CCSER1: variants seen among roughly 807,000 people sequenced by gnomAD.
CCSER1 encodes the protein serine-rich coiled-coil domain-containing protein 1.
CCSER1 carries 41 observed loss-of-function variants against 82.0 expected under a neutral mutation model. The observed-to-expected ratio is 0.50, with a 90% CI of 0.39 to 0.65. CCSER1 has a LOEUF of 0.65. CCSER1 is among the 30% of genes least tolerant of loss of function. CCSER1 has a pLI of 0.00. For synonymous variants in CCSER1, 414 were observed against 383.9 expected, an observed-to-expected ratio of 1.08 and a Z score of -0.92; for missense variants, 1,119 against 1,064.2, an observed-to-expected ratio of 1.05 and a Z score of -0.72.
intron 10 of CCSER1, among the ~76,000 whole-genome samples, chr4:91,464,019 C>T (rs1194339827): frequency 1.3e-5 from 2 of 152,086 alleles, no homozygotes; most frequent in Non-Finnish European, 2.9e-5. Context: ...CAAAGATATT[C>T]CTCGAGAAGA....
intron 10 of CCSER1, among the ~76,000 whole-genome samples, chr4:91,204,938 G>T (rs1472133161): frequency 6.6e-6 from 1 of 151,538 alleles, no homozygotes; most frequent in Non-Finnish European, 1.5e-5. Context: ...ACAATAAAAT[G>T]CAGCACTTAA....
intron 8 of CCSER1, among the ~76,000 whole-genome samples, chr4:90,891,203 G>A (rs1722916266): frequency 2.6e-5 from 4 of 151,502 alleles, no homozygotes; most frequent in Admixed American, 2.0e-4. Flanking sequence ...AAGTGAATTG[G>A]TCAGTCTTAT....
chr4:90,617,860 A>G (rs1329120092), intron 5 of CCSER1, among the ~76,000 whole-genome samples: 2 of 152,004 alleles, frequency 1.3e-5, no homozygotes, highest in East Asian at 3.9e-4. Context: ...GTTCCTTGCA[A>G]CAGATGTTCA....
intron 4 of CCSER1, among the ~76,000 whole-genome samples, chr4:90,457,254 C>A (rs568558127): frequency 6.6e-6 from 1 of 152,172 alleles, no homozygotes; most frequent in South Asian, 2.1e-4. Flanking sequence ...CGCCAAATAG[C>A]GTGTAAGAGC....
At chr4:90,465,200 G>A (rs1226143563) in intron 4 of CCSER1, among the ~76,000 whole-genome samples, 1 of 152,082 alleles carries the variant, frequency 6.6e-6, no homozygotes, top group African/African-American at 2.4e-5. Context: ...TTGACCTTGT[G>A]ATCTGCCCAC....
chr4:90,494,060 A>G (rs1471655325), intron 5 of CCSER1, among the ~76,000 whole-genome samples: 1 of 152,162 alleles, frequency 6.6e-6, no homozygotes, highest in African/African-American at 2.4e-5. Context: ...AAATAAAGGG[A>G]TGGAGGAAGA....
chr4:90,579,026 T>TAA lies in CCSER1; in HGVS notation c.1725-48999_1725-48998insAA, dbSNP rs56687231. On this transcript the variant is annotated intron_variant, in intron 5 of 10. Coordinates refer to ENST00000509176, the MANE Select transcript of CCSER1 (RefSeq NM_001145065.2). The stretch of plus-strand genomic sequence containing the variant: ...TATTATGTTGTCTATTAAAAAAAGC[T>TAA]TGACTTTTTTTAATCAATAAAATAA... Among the ~76,000 whole-genome samples the TAA allele has an allele frequency of 5.5e-3, 304 of 54,794 alleles. 1 individual carries two copies. The African/African-American group carries it at 0.089, about 16-fold the overall frequency. 35.9% of individuals were successfully genotyped at this position (54,794 alleles called of 152,430 possible).
At chr4:90,789,798 G>A (rs928352907) in intron 7 of CCSER1, among the ~76,000 whole-genome samples, 1 of 152,074 alleles carries the variant, frequency 6.6e-6, no homozygotes, top group Non-Finnish European at 1.5e-5. Flanking sequence ...GGAACTGTAA[G>A]CCCATTAAAC....
intron 6 of CCSER1, among the ~76,000 whole-genome samples, chr4:90,722,319 TAA>T (rs1278635642): frequency 1.3e-5 from 2 of 151,904 alleles, no homozygotes; most frequent in Non-Finnish European, 3.0e-5. Context: ...GTCACTTGCT[TAA>T]ATTCTTGTGA....
intron 6 of CCSER1, among the ~76,000 whole-genome samples, chr4:90,661,149 A>G (rs1730699414): frequency 6.6e-6 from 1 of 152,160 alleles, no homozygotes; most frequent in African/African-American, 2.4e-5. Context: ...TTATTCCTCT[A>G]TTCCTGCCTT....
intron 6 of CCSER1, among the ~76,000 whole-genome samples, chr4:90,713,861 T>C (rs978721269): frequency 6.6e-6 from 1 of 151,998 alleles, no homozygotes; most frequent in Non-Finnish European, 1.5e-5. Context: ...TTTTTCTTTA[T>C]TCTTGTCTTC....
At chr4:90,854,786 G>A (rs1341118704) in intron 8 of CCSER1, among the ~76,000 whole-genome samples, 1 of 151,626 alleles carries the variant, frequency 6.6e-6, no homozygotes, top group Non-Finnish European at 1.5e-5. Flanking sequence ...TGATCTCTAG[G>A]CTACTACATT....
intron 1 of CCSER1, among the ~76,000 whole-genome samples, chr4:90,245,807 A>C (rs1721313505): frequency 6.6e-6 from 1 of 152,164 alleles, no homozygotes; most frequent in Non-Finnish European, 1.5e-5. Flanking sequence ...TTTTTAGCTC[A>C]AAATGTTGGG....
intron 10 of CCSER1, among the ~76,000 whole-genome samples, chr4:91,580,593 G>T (rs1763682421): frequency 6.6e-6 from 1 of 151,692 alleles, no homozygotes; most frequent in African/African-American, 2.4e-5. Flanking sequence ...TGGTGAACAG[G>T]CAGGCATTTA....
intron 10 of CCSER1, among the ~76,000 whole-genome samples, chr4:91,255,655 G>C (rs13137255): frequency 0.025 from 3,859 of 152,274 alleles, 58 homozygotes; most frequent in Non-Finnish European, 0.038. Context: ...AACATAAATT[G>C]TGAAGATTTC....
In CCSER1 at chr4:91,020,944, T is replaced by C. The variant is rs1739903104; in HGVS notation, c.2173-65006T>C. Among the ~76,000 whole-genome samples the C allele has an allele frequency of 5.3e-5, 8 of 152,162 alleles. No homozygotes were observed. In the South Asian group the frequency reaches 1.7e-3, roughly 32 times the overall value. On this transcript the variant is annotated intron_variant, in intron 9 of 10. Coordinates refer to ENST00000509176, the MANE Select transcript of CCSER1 (RefSeq NM_001145065.2). Reference sequence around the variant, plus strand: ...GGAAAGGTTAAAACATTTGTGATGATAAATAACCCAAGCTACTAGCTACAT... The same window carrying C: ...GGAAAGGTTAAAACATTTGTGATGACAAATAACCCAAGCTACTAGCTACAT...
At chr4:90,238,482 G>A (rs1746220785) in intron 1 of CCSER1, among the ~76,000 whole-genome samples, 1 of 152,274 alleles carries the variant, frequency 6.6e-6, no homozygotes, top group South Asian at 2.1e-4. Context: ...TAATGCAACA[G>A]CTAACATTTT....
intron 10 of CCSER1, among the ~76,000 whole-genome samples, chr4:91,468,094 A>T (rs2149440568): frequency 6.6e-6 from 1 of 152,302 alleles, no homozygotes; most frequent in South Asian, 2.1e-4. Flanking sequence ...AAAGACTTGG[A>T]ACCAACCCAA....
chr4:91,018,433 C>T (rs548925610), intron 9 of CCSER1, among the ~76,000 whole-genome samples: 1 of 152,098 alleles, frequency 6.6e-6, no homozygotes, highest in African/African-American at 2.4e-5. Flanking sequence ...TCTTTATCTG[C>T]AATCTGGATT....
Sources: allele counts gnomAD v4.1 joint callset (sites outside exome capture counted in the v4.1 genomes callset), GRCh38; gene constraint gnomAD v4.1.1; transcripts MANE v1.5; gene names NCBI Gene and HGNC (gene_info 2026-07-23, HGNC 2026-07-21).